The following SIAE variants were observed in gnomAD, a reference collection of about 807,000 sequenced individuals.
SIAE encodes the protein sialate O-acetylesterase.
Under a neutral mutation model 52.6 loss-of-function variants are expected in SIAE, and 39 were observed. The ratio of observed to expected loss-of-function variants is 0.74; its 90% CI spans 0.57 to 0.97. The LOEUF (loss-of-function observed/expected upper bound fraction) is 0.97. Ranked by LOEUF, SIAE falls within the 50% of genes least tolerant of loss-of-function variation. SIAE has a pLI of 0.00. For synonymous variants in SIAE, 233 were observed against 241.4 expected (o/e 0.97, Z 0.32); for missense variants, 592 against 662.1 (o/e 0.89, Z 1.16).
intron 6 of SIAE, 118 bp downstream of exon 6, chr11:124,647,948 C>G (rs1364657319): frequency 6.0e-6 from 5 of 833,858 alleles, no homozygotes; most frequent in Non-Finnish European, 8.0e-6. Context: ...ACCCACAGAA[C>G]AGTGAGCTGA....
rs1337921650 is a variant in SIAE, at chr11:124,647,430, G to T, written c.901C>A (p.Arg301Ser). 6.2e-7 allele frequency: 1 copy of T among 1,614,146 alleles called. No homozygotes were observed. The highest frequency in any genetic ancestry group is 8.5e-7 in the Non-Finnish European group (1 of 1,180,014). ...CTFPALIEDW[R>S]ETFHRGSQGQ... ...TGGGAACCACGGTGGAAGGTTTCAC[G>T]CCAGTCTTCGATGAGTGCAGGGAAT... Residue 301 changes from arginine (R) to serine (S), a missense_variant, in exon 7 of 10, where the codon CGT becomes AGT. By Grantham distance (110) the Arg-to-Ser change is moderately radical. Coordinates refer to ENST00000263593, the MANE Select transcript of SIAE (RefSeq NM_170601.5).
At chr11:124,650,539 G>A (rs1397624100) in intron 4 of SIAE, among the ~76,000 whole-genome samples, 2 of 152,202 alleles carry the variant, frequency 1.3e-5, no homozygotes, top group African/African-American at 4.8e-5. Context: ...TTGAGAGAAT[G>A]AGGCAGGTGG....
At chr11:124,675,318 T>C (rs757791078), upstream of SIAE, 9 of 1,614,076 alleles carry the variant, frequency 5.6e-6, no homozygotes, top group Admixed American at 1.2e-4. Flanking sequence ...GATTTGGGAA[T>C]CTTCTTGAAG....
At chr11:124,644,524 G>A (rs1942902306) in intron 7 of SIAE, among the ~76,000 whole-genome samples, 1 of 152,070 alleles carries the variant, frequency 6.6e-6, no homozygotes, top group Non-Finnish European at 1.5e-5. Context: ...GGGCACCGGC[G>A]TACTCCACAC....
In SIAE at chr11:124,670,017, C is replaced by T. The variant is rs902280725; in HGVS notation, c.68-496G>A. Among the ~76,000 whole-genome samples, 7 of 152,222 alleles carry T rather than the reference C, an allele frequency of 4.6e-5. No homozygotes were observed. Among genetic ancestry groups the T allele is most frequent in the Non-Finnish European group, 1.0e-4 (7 of 68,022 alleles). On this transcript the variant is annotated intron_variant, in intron 1 of 9. Coordinates refer to ENST00000263593, the MANE Select transcript of SIAE (RefSeq NM_170601.5). The surrounding 1 kb of genome is among the most constrained non-coding windows in gnomAD (Gnocchi z 4.5). ...CCTTCCCTAATCTTTTTCCCCTTCT[C>T]TATCTCCCCTTTTCTATGCCACTAA...
In SIAE at chr11:124,660,890, G is replaced by GCC. The variant is rs539371756; in HGVS notation, c.230-89_230-88dup. 733 of 1,491,236 alleles carry GCC rather than the reference G, an allele frequency of 4.9e-4. 5 individuals carry two copies. The highest frequency in any genetic ancestry group is 2.1e-3 in the Middle Eastern group (12 of 5,744). The allele number at this position is 1,491,236 out of a possible 1,614,324, so 92.4% of individuals were successfully genotyped here. A position where few individuals can be genotyped will look rare whatever the true frequency, so the allele number is the denominator to read the frequency against. ...TTATACTCATTTGTGGCTATTCCCA[G>GCC]CCTCTGTAATAAACCGAATTCAAAG... is the stretch of plus-strand genomic sequence containing the variant. On this transcript the variant is annotated intron_variant, in intron 2 of 9. Transcript: ENST00000263593.
chr11:124,644,351 G>GAAAAAAAAAAAAAAAAAA lies in SIAE; in HGVS notation c.966+3013_966+3014insTTTTTTTTTTTTTTTTTT, dbSNP rs766691334. The stretch of plus-strand genomic sequence containing the variant: ...AACGCCACAGGAAAGAGTCTGTGGT[G>GAAAAAAAAAAAAAAAAAA]AGAAAAAAAAAAAAAAAAAAAAACT... On this transcript the variant is annotated intron_variant, in intron 7 of 9. Coordinates refer to ENST00000263593, the MANE Select transcript of SIAE (RefSeq NM_170601.5). 1.1e-4 allele frequency among the ~76,000 whole-genome samples: 11 copies of GAAAAAAAAAAAAAAAAAA among 98,964 alleles called. 1 individual carries two copies. The highest frequency in any genetic ancestry group is 3.2e-4 in the African/African-American group (8 of 25,146). The allele number at this position is 98,964 out of a possible 152,430, so 64.9% of individuals were successfully genotyped here. A position where few individuals can be genotyped will look rare whatever the true frequency, so the allele number is the denominator to read the frequency against.
rs1454925018 is a variant in SIAE at position 124,634,567 on chromosome 11, A to G, written c.*2384T>C. 48 of 152,144 alleles carry G rather than the reference A, an allele frequency of 3.2e-4. No homozygotes were observed. Among genetic ancestry groups the G allele is most frequent in the Admixed American group, 3.1e-3 (48 of 15,282 alleles). The allele number at this position is 152,144 out of a possible 1,614,324, so 9.4% of individuals were successfully genotyped here. ...ATATTTATCCTCTTCCATGTTAAGA[A>G]CCCTAAGAAATAACTGGACGAGTGT... On this transcript the variant is annotated 3_prime_UTR_variant, in exon 10 of 10. Transcript: ENST00000263593.
At position 124,635,456 on chromosome 11, in the gene SIAE, A is replaced by C. The variant is rs2134345207; in HGVS notation, c.*1495T>G. On this transcript the variant is annotated 3_prime_UTR_variant, in exon 10 of 10. Transcript: ENST00000263593. ...TGGAACTCTACAGAGGGGTAGAACT[A>C]AAGCAAAAACCATCATTCACCCTAC... 1 of 152,340 alleles carries C rather than the reference A, an allele frequency of 6.6e-6. No individual in the cohort carries two copies. The highest frequency in any genetic ancestry group is 2.1e-4 in the South Asian group (1 of 4,830). The allele number at this position is 152,340 out of a possible 1,614,324, so 9.4% of individuals were successfully genotyped here. A position where few individuals can be genotyped will look rare whatever the true frequency, so the allele number is the denominator to read the frequency against.
At chr11:124,673,590 G>A (rs1031369215) in intron 1 of SIAE, 52 bp downstream of exon 1, 1 of 1,586,292 alleles carries the variant, frequency 6.3e-7, no homozygotes, top group Non-Finnish European at 8.6e-7. Flanking sequence ...ACGGGGTCTC[G>A]GAGCCCGCAC....
intron 7 of SIAE, among the ~76,000 whole-genome samples, chr11:124,646,401 G>T (rs1387061170): frequency 6.6e-6 from 1 of 152,186 alleles, no homozygotes; most frequent in Non-Finnish European, 1.5e-5. Flanking sequence ...GAGAAAGGGG[G>T]CATCTAACTA....
At position 124,649,511 on chromosome 11, in the gene SIAE, C is replaced by T. The variant is rs1410546647; in HGVS notation, c.722+108G>A. The T allele has an allele frequency of 7.2e-5, 84 of 1,165,934 alleles. 1 individual carries two copies. The East Asian group carries it at 1.9e-3, about 27-fold the overall frequency. 72.2% of individuals were successfully genotyped at this position (1,165,934 alleles called of 1,614,324 possible). A position where few individuals can be genotyped will look rare whatever the true frequency, so the allele number is the denominator to read the frequency against. On this transcript the variant is annotated intron_variant, in intron 5 of 9. Coordinates refer to ENST00000263593, the MANE Select transcript of SIAE (RefSeq NM_170601.5). ...ATGAATAAATTACATACATTCAACA[C>T]ATATTGGGACATTCACCATATACTT...
chr11:124,672,381 G>A (rs1255052685), intron 1 of SIAE, among the ~76,000 whole-genome samples: 2 of 152,128 alleles, frequency 1.3e-5, no homozygotes, highest in African/African-American at 4.8e-5. Context: ...CTTAAGTTGG[G>A]TACTGCTCTC....
chr11:124,650,972 AG>A (rs1479520324), intron 4 of SIAE, among the ~76,000 whole-genome samples: 1 of 152,178 alleles, frequency 6.6e-6, no homozygotes, highest in African/African-American at 2.4e-5. Flanking sequence ...GGCAAGAGTG[AG>A]CAATTTCATG....
upstream of SIAE, chr11:124,674,661 ACACAGCCCC>A (rs1943435253): frequency 6.6e-6 from 1 of 152,254 alleles, no homozygotes; most frequent in African/African-American, 2.4e-5. Context: ...AAATCATGAC[ACACAGCCCC>A]ATCCCATCCC....
intron 3 of SIAE, 200 bp downstream of exon 3, chr11:124,660,428 T>A: frequency 1.5e-6 from 1 of 673,694 alleles, no homozygotes; most frequent in Non-Finnish European, 2.7e-6. Flanking sequence ...AATCAATAAC[T>A]ACCAATTTAA....
At chr11:124,640,908 G>A (rs1003367235) in intron 7 of SIAE, among the ~76,000 whole-genome samples, 2 of 152,182 alleles carry the variant, frequency 1.3e-5, no homozygotes, top group Non-Finnish European at 2.9e-5. Flanking sequence ...AAGGACAAGA[G>A]CGCCCCTGCT....
At position 124,639,818 on chromosome 11, in the gene SIAE, A is replaced by G. The variant is rs760427753; in HGVS notation, c.1016T>C (p.Ile339Thr). The change falls in exon 8 of 10, where the codon ATC (isoleucine) becomes ACC (threonine). Residue 339 changes from isoleucine to threonine, a missense_variant. By Grantham distance (89) the Ile-to-Thr change is moderately conservative. Coordinates refer to ENST00000263593, the MANE Select transcript of SIAE (RefSeq NM_170601.5). ...GAAGTCTGCTGTTTGATGCCAACGG[A>G]TCTGGGGAAATCCATCGTCTGAGCT... ...KKSSDDGFPQ[I>T]RWHQTADFGY... 3.9e-5 allele frequency: 63 copies of G among 1,614,096 alleles called. No homozygotes were observed. In the Admixed American group the frequency reaches 1.0e-3, roughly 27 times the overall value.
intron 6 of SIAE, 68 bp from the exon 7 acceptor site, chr11:124,647,566 TC>T: frequency 6.3e-7 from 1 of 1,577,768 alleles, no homozygotes. Context: ...ATTACTCTCC[TC>T]CCTCCATCCA....
Sources: allele counts gnomAD v4.1 joint callset (sites outside exome capture counted in the v4.1 genomes callset), GRCh38; gene constraint gnomAD v4.1.1; non-coding constraint Gnocchi (gnomAD v3.1); transcripts MANE v1.5; gene names NCBI Gene and HGNC (gene_info 2026-07-23, HGNC 2026-07-21).